Variants in PXDNL observed in about 807,000 individuals in gnomAD.
PXDNL encodes peroxidasin like, also known as probable oxidoreductase PXDNL.
PXDNL carries 145 observed loss-of-function variants against 150.8 expected under a neutral mutation model. The observed-to-expected ratio is 0.96, with a 90% confidence interval of 0.84 to 1.10. PXDNL has a LOEUF of 1.10. PXDNL is among the 50% of genes least tolerant of loss of function. PXDNL has a pLI of 0.00. For synonymous variants in PXDNL, 757 were observed against 725.7 expected (o/e 1.04, Z -0.69); for missense variants, 2,087 against 1,873.9 (o/e 1.11, Z -2.10).
intron 1 of PXDNL, among the ~76,000 whole-genome samples, chr8:51,772,198 C>G (rs777532831): frequency 6.6e-6 from 1 of 151,352 alleles, no homozygotes; most frequent in African/African-American, 2.4e-5. Flanking sequence ...CTCTCTCTCT[C>G]TCTCTGTCTC....
At chr8:51,361,834 C>T (rs564857717) in intron 19 of PXDNL, among the ~76,000 whole-genome samples, 3 of 146,852 alleles carry the variant, frequency 2.0e-5, no homozygotes, top group Admixed American at 7.0e-5. Flanking sequence ...TGATAGTGGA[C>T]ACCTGTAGTC....
intron 2 of PXDNL, among the ~76,000 whole-genome samples, chr8:51,632,481 T>C (rs1814512325): frequency 6.6e-6 from 1 of 152,092 alleles, no homozygotes; most frequent in Non-Finnish European, 1.5e-5. Flanking sequence ...CACATGCCTG[T>C]AGTCCCAGCT....
At chr8:51,424,837 C>T (rs549709948) in intron 13 of PXDNL, among the ~76,000 whole-genome samples, 6 of 152,166 alleles carry the variant, frequency 3.9e-5, no homozygotes, top group Non-Finnish European at 7.3e-5. Context: ...GTGAAAATAA[C>T]ATTTCACAGG....
At chr8:51,585,904 A>G (rs993125821) in intron 3 of PXDNL, among the ~76,000 whole-genome samples, 1 of 151,840 alleles carries the variant, frequency 6.6e-6, no homozygotes, top group African/African-American at 2.4e-5. Flanking sequence ...TTTCTCTTTG[A>G]GTTCCTACTG....
chr8:51,330,474 C>T (rs1469405007), intron 21 of PXDNL, among the ~76,000 whole-genome samples: 1 of 152,110 alleles, frequency 6.6e-6, no homozygotes. Context: ...AAAACGGTAT[C>T]TTAGTTTGCT....
intron 4 of PXDNL, among the ~76,000 whole-genome samples, chr8:51,512,046 C>G (rs1231897027): frequency 6.6e-6 from 1 of 152,122 alleles, no homozygotes; most frequent in Non-Finnish European, 1.5e-5. Flanking sequence ...TGGCCGTGAA[C>G]AATGCTCGAC....
intron 1 of PXDNL, among the ~76,000 whole-genome samples, chr8:51,697,176 C>T (rs535181675): frequency 1.3e-5 from 2 of 151,808 alleles, no homozygotes; most frequent in African/African-American, 2.4e-5. Context: ...TGGTGGCGGG[C>T]GCCTGTAATT....
chr8:51,714,642 T>A (rs1816571833), intron 1 of PXDNL, among the ~76,000 whole-genome samples: 1 of 152,140 alleles, frequency 6.6e-6, no homozygotes, highest in African/African-American at 2.4e-5. Context: ...AGAGAACAGT[T>A]CAGAGGAGAG....
At chr8:51,592,108 T>C (rs1813455990) in intron 3 of PXDNL, among the ~76,000 whole-genome samples, 1 of 152,182 alleles carries the variant, frequency 6.6e-6, no homozygotes, top group African/African-American at 2.4e-5. Flanking sequence ...TTTATTCCCA[T>C]TTACCAATAA....
chr8:51,601,027 T>G (rs532209829), intron 2 of PXDNL, among the ~76,000 whole-genome samples: 1,543 of 146,906 alleles, frequency 0.011, 12 homozygotes, highest in South Asian at 0.024. Flanking sequence ...AATTACATCT[T>G]ATATAAATTA....
chr8:51,408,463 C>T lies in PXDNL; in HGVS notation c.3161G>A (p.Arg1054Lys), dbSNP rs937316690. Residue 1054 changes from arginine to lysine, a missense_variant, in exon 17 of 23, where the codon AGA (arginine) becomes AAA (lysine). Coordinates refer to ENST00000356297, the MANE Select transcript of PXDNL (RefSeq NM_144651.5). ...AGGATTGATTAATGTGTGGCCAAAT[C>T]TAAAGGCTGCAGTAGCAAAAGAGTT... ...IINSFATAAFRFGHTLINPIL... is the reference protein window; with the variant it reads ...IINSFATAAFKFGHTLINPIL... 6.2e-7 allele frequency: 1 copy of T among 1,613,924 alleles called. No homozygotes were observed. The highest frequency in any genetic ancestry group is 2.2e-5 in the East Asian group (1 of 44,880).
At chr8:51,686,238 T>C (rs1236886737) in intron 1 of PXDNL, among the ~76,000 whole-genome samples, 3 of 152,164 alleles carry the variant, frequency 2.0e-5, no homozygotes, top group Middle Eastern at 3.2e-3. Flanking sequence ...AGAACTCTCT[T>C]GGTAATGTGA....
chr8:51,762,335 A>G (rs34780436), intron 1 of PXDNL, among the ~76,000 whole-genome samples: 26,692 of 152,184 alleles, frequency 0.18, 2,720 homozygotes, highest in Non-Finnish European at 0.22. Flanking sequence ...AAAAATCCAC[A>G]TTCTATAGAG....
chr8:51,656,456 AC>A (rs1221338483), intron 1 of PXDNL, among the ~76,000 whole-genome samples: 1 of 152,174 alleles, frequency 6.6e-6, no homozygotes, highest in Non-Finnish European at 1.5e-5. Flanking sequence ...CTCCCTATAA[AC>A]ATATAAGACA....
intron 4 of PXDNL, among the ~76,000 whole-genome samples, chr8:51,536,368 T>C (rs762301812): frequency 2.6e-5 from 4 of 151,534 alleles, no homozygotes; most frequent in Non-Finnish European, 5.9e-5. Flanking sequence ...ACTTACAGTG[T>C]AATGTATGCT....
At chr8:51,729,749 C>A (rs1816882016) in intron 1 of PXDNL, among the ~76,000 whole-genome samples, 1 of 152,160 alleles carries the variant, frequency 6.6e-6, no homozygotes, top group Non-Finnish European at 1.5e-5. Flanking sequence ...AATAAGATGT[C>A]TTTCATCAGG....
intron 1 of PXDNL, among the ~76,000 whole-genome samples, chr8:51,733,006 G>C (rs1816963988): frequency 6.6e-6 from 1 of 152,154 alleles, no homozygotes; most frequent in Non-Finnish European, 1.5e-5. Context: ...ACAAACCCCA[G>C]GTGCCCTGTG....
chr8:51,434,492 A>T (rs1809341659), intron 12 of PXDNL, among the ~76,000 whole-genome samples: 1 of 152,230 alleles, frequency 6.6e-6, no homozygotes, highest in Non-Finnish European at 1.5e-5. Context: ...TTTCCAAGAG[A>T]ACAGAGATTC....
intron 1 of PXDNL, among the ~76,000 whole-genome samples, chr8:51,730,781 AAG>A (rs1816901949): frequency 6.6e-6 from 1 of 152,200 alleles, no homozygotes; most frequent in South Asian, 2.1e-4. Flanking sequence ...CAGAAGGTGA[AAG>A]AGAAGCAAAG....
Sources: gnomAD v4.1 joint callset for allele counts (sites outside exome capture counted in the v4.1 genomes callset) on GRCh38, gnomAD v4.1.1 for gene constraint, MANE v1.5 for transcripts, NCBI Gene and HGNC (gene_info 2026-07-23, HGNC 2026-07-21) for gene names.